Variants in CA10 observed in about 807,000 individuals in gnomAD.
The protein encoded by CA10 is carbonic anhydrase 10 (inactive), also known as carbonic anhydrase-related protein 10.
In CA10, 14 loss-of-function variants were observed where a neutral mutation model predicts 44.2. That is an observed-to-expected ratio of 0.32 (90% CI 0.21 to 0.50). CA10 has a LOEUF of 0.50. CA10 is among the 20% of genes least tolerant of loss of function. The pLI, the probability that CA10 is intolerant of heterozygous loss-of-function variation, is 0.99. For missense variants in CA10, 350 were observed against 409.7 expected (o/e 0.85, Z 1.26); for synonymous variants, 159 against 141.6 (o/e 1.12, Z -0.87).
chr17:51,900,002 G>C (rs960777108), intron 3 of CA10, among the ~76,000 whole-genome samples: 3 of 151,668 alleles, frequency 2.0e-5, no homozygotes, highest in African/African-American at 7.3e-5. Context: ...TTGCCGCTCT[G>C]TGCCTTTTAA....
At chr17:51,882,530 G>A (rs1247148734) in intron 3 of CA10, among the ~76,000 whole-genome samples, 2 of 152,140 alleles carry the variant, frequency 1.3e-5, no homozygotes, top group Non-Finnish European at 2.9e-5. Context: ...GCTTTCTCCA[G>A]GTATCACCTG....
At chr17:51,783,792 AG>A (rs1347550392) in intron 3 of CA10, among the ~76,000 whole-genome samples, 1 of 152,104 alleles carries the variant, frequency 6.6e-6, no homozygotes, top group Non-Finnish European at 1.5e-5. Flanking sequence ...TTAGGTGCTG[AG>A]GTTCTGCAGT....
At chr17:52,046,415 G>C (rs1469603052) in intron 2 of CA10, among the ~76,000 whole-genome samples, 1 of 151,616 alleles carries the variant, frequency 6.6e-6, no homozygotes, top group Non-Finnish European at 1.5e-5. Context: ...GACACCGAAA[G>C]TATACTAAAA....
intron 8 of CA10, 152 bp downstream of exon 8, chr17:51,633,324 C>T: frequency 1.3e-6 from 1 of 773,010 alleles, no homozygotes. Flanking sequence ...AACTTTAGAC[C>T]TTCATCACCA....
intron 3 of CA10, among the ~76,000 whole-genome samples, chr17:51,921,468 T>C (rs1480250654): frequency 6.6e-6 from 1 of 152,216 alleles, no homozygotes; most frequent in Admixed American, 6.5e-5. Context: ...CTTCTTAAAA[T>C]ATTTTCCTTT....
chr17:51,977,882 C>T (rs983352759), intron 2 of CA10, among the ~76,000 whole-genome samples: 3 of 151,782 alleles, frequency 2.0e-5, no homozygotes, highest in South Asian at 4.1e-4. Context: ...TTCTATATAC[C>T]GGCAATAAAC....
chr17:51,895,803 G>C (rs1051798767), intron 3 of CA10, among the ~76,000 whole-genome samples: 2 of 151,896 alleles, frequency 1.3e-5, no homozygotes, highest in East Asian at 3.9e-4. Context: ...TTTTTATTTG[G>C]ACAGGAAAAC....
intron 2 of CA10, among the ~76,000 whole-genome samples, chr17:52,049,511 A>G (rs1017665739): frequency 6.6e-6 from 1 of 152,154 alleles, no homozygotes; most frequent in African/African-American, 2.4e-5. Context: ...CACTATGTTC[A>G]CATAGTCCTA....
At chr17:52,088,425 G>A (rs1988176305) in intron 1 of CA10, among the ~76,000 whole-genome samples, 2 of 152,140 alleles carry the variant, frequency 1.3e-5, no homozygotes, top group Non-Finnish European at 2.9e-5. Context: ...GACTCTAGAG[G>A]AGTATGTGCA....
At chr17:51,717,835 A>ATATATG (rs1555589835) in intron 4 of CA10, among the ~76,000 whole-genome samples, 1 of 50,406 alleles carries the variant, frequency 2.0e-5, no homozygotes, top group African/African-American at 7.9e-5. Context: ...GTGTGTATAT[A>ATATATG]TATATATATA....
chr17:52,144,495 T>C (rs1207072988), intron 1 of CA10, among the ~76,000 whole-genome samples: 1 of 152,200 alleles, frequency 6.6e-6, no homozygotes, highest in Non-Finnish European at 1.5e-5. Context: ...ATATGGGGCA[T>C]TAATTTCTTA....
chr17:52,046,477 G>A (rs78881493), intron 2 of CA10, among the ~76,000 whole-genome samples: 1,818 of 151,712 alleles, frequency 0.012, 36 homozygotes, highest in African/African-American at 0.042. Context: ...ATATGAAAAT[G>A]ACAAATTCCT....
intron 4 of CA10, among the ~76,000 whole-genome samples, chr17:51,745,748 A>G (rs1447320405): frequency 2.0e-5 from 3 of 152,274 alleles, no homozygotes; most frequent in African/African-American, 4.8e-5. Flanking sequence ...TCTACATTTT[A>G]TCAATTATTC....
chr17:52,074,828 G>C (rs1227953531), intron 1 of CA10, among the ~76,000 whole-genome samples: 1 of 151,876 alleles, frequency 6.6e-6, no homozygotes, highest in Non-Finnish European at 1.5e-5. Context: ...CCCATTGCCT[G>C]TTTCTGTACT....
At chr17:51,854,458 C>T (rs993254109) in intron 3 of CA10, among the ~76,000 whole-genome samples, 5 of 152,208 alleles carry the variant, frequency 3.3e-5, no homozygotes, top group Non-Finnish European at 7.3e-5. Flanking sequence ...AATCTCTTGA[C>T]TCTATTACTA....
At chr17:51,895,479 T>G (rs993344704) in intron 3 of CA10, among the ~76,000 whole-genome samples, 1 of 152,114 alleles carries the variant, frequency 6.6e-6, no homozygotes, top group Non-Finnish European at 1.5e-5. Context: ...ATCTTCAGGT[T>G]GTACTTCAGC....
At chr17:51,658,025 G>A (rs999637249) in intron 4 of CA10, among the ~76,000 whole-genome samples, 4 of 152,228 alleles carry the variant, frequency 2.6e-5, no homozygotes, top group South Asian at 2.1e-4. Context: ...AGTTTTAGGC[G>A]AGTATCCTCC....
chr17:51,680,640 T>G (rs1914813048), intron 4 of CA10, among the ~76,000 whole-genome samples: 1 of 152,156 alleles, frequency 6.6e-6, no homozygotes, highest in African/African-American at 2.4e-5. Context: ...CTCCTGATAC[T>G]TACTCCCCAG....
At chr17:51,677,039 A>G (rs1418635349) in intron 4 of CA10, among the ~76,000 whole-genome samples, 1 of 152,176 alleles carries the variant, frequency 6.6e-6, no homozygotes, top group African/African-American at 2.4e-5. Context: ...GGAAGTGGTA[A>G]TGTAGTAGTG....
Sources: gnomAD v4.1 joint callset for allele counts (sites outside exome capture counted in the v4.1 genomes callset) on GRCh38, gnomAD v4.1.1 for gene constraint, MANE v1.5 for transcripts, NCBI Gene and HGNC (gene_info 2026-07-23, HGNC 2026-07-21) for gene names.